The following NKD2 variants were observed in gnomAD, a reference collection of about 807,000 sequenced individuals.
NKD2 encodes the protein NKD inhibitor of Wnt signaling pathway 2.
NKD2 carries 43 observed loss-of-function variants against 34.8 expected under a neutral mutation model. The observed-to-expected ratio is 1.24, with a 90% confidence interval of 0.97 to 1.60. The LOEUF is 1.60. Ranked by LOEUF, NKD2 falls within the 40% of genes most tolerant of loss-of-function variation. The probability of loss-of-function intolerance (pLI) is 0.00; values close to 1 mark genes in which losing one functional copy is unlikely to be tolerated. For missense variants in NKD2, 675 were observed against 627.1 expected (o/e 1.08, Z -0.82); for synonymous variants, 278 against 265.1 (o/e 1.05, Z -0.47).
At chr5:1,019,718 T>C (rs1046677468) in intron 3 of NKD2, among the ~76,000 whole-genome samples, 2 of 152,226 alleles carry the variant, frequency 1.3e-5, no homozygotes, top group African/African-American at 2.4e-5. Flanking sequence ...ACATCGACGT[T>C]GCATGTTCAC....
In NKD2 at chr5:1,037,885, G is replaced by C; in HGVS notation, c.868G>C (p.Asp290His). 6.2e-7 allele frequency: 1 copy of C among 1,605,502 alleles called. No homozygotes were observed. The change falls in exon 10 of 10, where the codon GAT (aspartate) becomes CAT (histidine). Residue 290 changes from aspartate to histidine, a missense_variant. Transcript: ENST00000296849. ...GGCCCGGTCCCGCTCCCAGGAGCCAGATACACATGCCGTACACCACCGCAG... is the reference window on the plus strand; with the variant it reads ...GGCCCGGTCCCGCTCCCAGGAGCCACATACACATGCCGTACACCACCGCAG... ...LQARSRSQEP[D>H]THAVHHRRSQ... is the part of the protein sequence containing the mutation.
intron 3 of NKD2, among the ~76,000 whole-genome samples, chr5:1,013,513 G>A (rs867018540): frequency 6.6e-6 from 1 of 152,226 alleles, no homozygotes; most frequent in Non-Finnish European, 1.5e-5. Flanking sequence ...GGGAGGCGTC[G>A]AGGTCACCTC....
At chr5:1,016,132 C>T (rs1323445170) in intron 3 of NKD2, among the ~76,000 whole-genome samples, 2 of 152,360 alleles carry the variant, frequency 1.3e-5, no homozygotes, top group South Asian at 2.1e-4. Context: ...CAGCGTGGGG[C>T]GGAGCTCGTG....
At chr5:1,032,080 C>G in intron 3 of NKD2, 72 bp from the exon 4 acceptor site, 1 of 1,257,910 alleles carries the variant, frequency 7.9e-7, no homozygotes, top group Non-Finnish European at 1.2e-6. Context: ...TCCAGCCGCC[C>G]AGAGCTCCTG....
In NKD2 at chr5:1,009,497, G is replaced by A. The variant is rs1755661942; in HGVS notation, c.78G>A (p.Ala26=). The A allele has an allele frequency of 4.0e-6, 6 of 1,498,400 alleles. No individual in the cohort carries two copies. Among genetic ancestry groups the A allele is most frequent in the African/African-American group, 2.9e-5 (2 of 68,540 alleles). The allele number at this position is 1,498,400 out of a possible 1,614,324, so 92.8% of individuals were successfully genotyped here. ...GGACCGCAGGGGACAGCTTCGTGGCGTCCGCGTACGCGAGCGGCCGCAAAG... is the reference window on the plus strand; with the variant it reads ...GGACCGCAGGGGACAGCTTCGTGGCATCCGCGTACGCGAGCGGCCGCAAAG... ...RESPEGDSFV[A]SAYASGRKGA... is the part of the protein sequence containing the mutation. Residue 26 remains alanine, a synonymous_variant, in exon 3 of 10, where the codon GCG becomes GCA. Transcript: ENST00000296849. This position sits in a 1 kb window ranked among gnomAD's most constrained non-coding sequence, Gnocchi z 6.9.
chr5:1,012,334 G>T (rs1377997976), intron 3 of NKD2, among the ~76,000 whole-genome samples: 1 of 152,254 alleles, frequency 6.6e-6, no homozygotes, highest in Non-Finnish European at 1.5e-5. Context: ...GCCAGTGCGT[G>T]GAGGAGGCCG....
Position 1,034,908 on chromosome 5 carries a change from G to GT in NKD2, c.574+6dup. On this transcript the variant is annotated splice_donor_region_variant and intron_variant, in intron 7 of 9. Transcript: ENST00000296849. ...AGGGTCCTCCTGCTGGCCAGGGTGAGTGAGGCCTGGGCACACACAGAGGAC... is the reference window on the plus strand; with the variant it reads ...AGGGTCCTCCTGCTGGCCAGGGTGAGTTGAGGCCTGGGCACACACAGAGGAC... 1 of 1,605,076 alleles carries GT rather than the reference G, an allele frequency of 6.2e-7. No homozygotes were observed. Among genetic ancestry groups the GT allele is most frequent in the Non-Finnish European group, 8.5e-7 (1 of 1,176,012 alleles).
In NKD2 at chr5:1,036,347, C is replaced by A; in HGVS notation, c.750C>A (p.Leu250=). The A allele has an allele frequency of 6.2e-7, 1 of 1,612,946 alleles. No homozygotes were observed. Among genetic ancestry groups the A allele is most frequent in the Non-Finnish European group, 8.5e-7 (1 of 1,179,856 alleles). ...NTERRNHYLD[L]AGIENYTSRF... ...AGCGCAGAAACCACTACCTGGACCT[C>A]GCCGGGATTGAGAACTACACGTCCA... The change falls in exon 9 of 10, where the codon CTC becomes CTA. Residue 250 remains leucine (L), a synonymous_variant. Transcript: ENST00000296849.
rs189741044 is a variant in NKD2 at position 1,031,544 on chromosome 5, C to T, written c.142-608C>T. 4.0e-3 allele frequency among the ~76,000 whole-genome samples: 540 copies of T among 136,164 alleles called. 1 individual carries two copies. Among genetic ancestry groups the T allele is most frequent in the Admixed American group, 7.4e-3 (96 of 13,024 alleles). The allele number at this position is 136,164 out of a possible 152,430, so 89.3% of individuals were successfully genotyped here. On this transcript the variant is annotated intron_variant, in intron 3 of 9. Transcript: ENST00000296849. ...GAGGGGCTCCGCACCTCCACCACTGCGCAAGGCCCCTGCCCTGACCACAGG... is the reference window on the plus strand; with the variant it reads ...GAGGGGCTCCGCACCTCCACCACTGTGCAAGGCCCCTGCCCTGACCACAGG...
At chr5:1,012,295 G>A (rs139109064) in intron 3 of NKD2, among the ~76,000 whole-genome samples, 98 of 152,372 alleles carry the variant, frequency 6.4e-4, no homozygotes, top group African/African-American at 2.2e-3. Flanking sequence ...TCCAGAGGCA[G>A]CATTGTAGCG....
At chr5:1,034,938 C>G (rs1733775377) in intron 7 of NKD2, 35 bp downstream of exon 7, 2 of 1,573,262 alleles carry the variant, frequency 1.3e-6, no homozygotes, top group Admixed American at 1.8e-5. Flanking sequence ...GAGGACCCTA[C>G]CCAACATTGG....
Position 1,038,096 on chromosome 5 carries a change from T to G in NKD2, c.1079T>G (p.Val360Gly). Reference sequence around the variant, plus strand: ...GCCTTCAGCTACTACCTGCCGGCCGTCCTGCCGCCCCAGGCCCCTCAGGAC... The same window carrying G: ...GCCTTCAGCTACTACCTGCCGGCCGGCCTGCCGCCCCAGGCCCCTCAGGAC... ...GKAFSYYLPA[V>G]LPPQAPQDGH... The change falls in exon 10 of 10, where the codon GTC (valine) becomes GGC (glycine). Residue 360 changes from valine to glycine, a missense_variant. Transcript: ENST00000296849. This position sits in a 1 kb window ranked among gnomAD's most constrained non-coding sequence, Gnocchi z 4.5. 1 of 1,604,256 alleles carries G rather than the reference T, an allele frequency of 6.2e-7. No homozygotes were observed. Among genetic ancestry groups the G allele is most frequent in the Non-Finnish European group, 8.5e-7 (1 of 1,177,260 alleles).
chr5:1,034,868 C>G lies in NKD2; in HGVS notation c.539C>G (p.Ser180Cys). The change falls in exon 7 of 10, where the codon TCC (serine) becomes TGC (cysteine). Residue 180 changes from serine to cysteine, a missense_variant. Transcript: ENST00000296849. ...AAGCTAACCGTCAGCCCTGAGCCCT[C>G]CAGCAAGAGGAAGGAGGGTCCTCCT... Reference protein sequence around the residue: ...RVKLTVSPEPSSKRKEGPPAG... With the variant: ...RVKLTVSPEPCSKRKEGPPAG... 6.2e-7 allele frequency: 1 copy of G among 1,612,346 alleles called. No homozygotes were observed. Among genetic ancestry groups the G allele is most frequent in the Non-Finnish European group, 8.5e-7 (1 of 1,179,732 alleles).
At chr5:1,014,550 C>T (rs1038582755) in intron 3 of NKD2, among the ~76,000 whole-genome samples, 1 of 152,216 alleles carries the variant, frequency 6.6e-6, no homozygotes, top group African/African-American at 2.4e-5. Context: ...GTTTCATCTG[C>T]CTTGTAGGAG....
chr5:1,038,367 G>T lies in NKD2; in HGVS notation c.1350G>T (p.Pro450=). The T allele has an allele frequency of 2.0e-6, 3 of 1,535,484 alleles. No homozygotes were observed. Among genetic ancestry groups the T allele is most frequent in the Non-Finnish European group, 1.7e-6 (2 of 1,146,862 alleles). The change falls in exon 10 of 10, where the codon CCG becomes CCT. Residue 450 remains proline, a synonymous_variant. Coordinates refer to ENST00000296849, the MANE Select transcript of NKD2 (RefSeq NM_033120.4). The surrounding 1 kb of genome is among the most constrained non-coding windows in gnomAD (Gnocchi z 4.5). Reference sequence around the variant, plus strand: ...ACCACCACCACCACCACTTCCACCCGTCCTAGCGCCACTGCCAAGCACACC... The same window carrying T: ...ACCACCACCACCACCACTTCCACCCTTCCTAGCGCCACTGCCAAGCACACC... ...HHHHHHHHFH[P]S is the part of the protein sequence containing the mutation.
intron 3 of NKD2, among the ~76,000 whole-genome samples, chr5:1,022,953 G>T (rs1338083939): frequency 1.5e-3 from 12 of 7,938 alleles, no homozygotes; most frequent in Admixed American, 3.6e-3. Context: ...CTTCCCACCT[G>T]CTGTGGGCGT....
intron 5 of NKD2, among the ~76,000 whole-genome samples, chr5:1,033,898 A>G (rs1056061000): frequency 6.6e-6 from 1 of 152,226 alleles, no homozygotes; most frequent in African/African-American, 2.4e-5. Flanking sequence ...CTCCGTGTCC[A>G]GTCAAGATTT....
chr5:1,019,494 G>A (rs1486815925), intron 3 of NKD2, among the ~76,000 whole-genome samples: 1 of 152,186 alleles, frequency 6.6e-6, no homozygotes, highest in Non-Finnish European at 1.5e-5. Context: ...GGTGGCCACT[G>A]GGCCCTCCTT....
At chr5:1,029,766 C>T (rs1408249050) in intron 3 of NKD2, among the ~76,000 whole-genome samples, 4 of 152,246 alleles carry the variant, frequency 2.6e-5, no homozygotes, top group Non-Finnish European at 5.9e-5. Flanking sequence ...CCTCCGGCTC[C>T]TCTGAGTTCT....
Sources: gnomAD v4.1 joint callset for allele counts (sites outside exome capture counted in the v4.1 genomes callset) on GRCh38, gnomAD v4.1.1 for gene constraint, Gnocchi (gnomAD v3.1) non-coding constraint, MANE v1.5 for transcripts, NCBI Gene and HGNC (gene_info 2026-07-23, HGNC 2026-07-21) for gene names.